RGS6: variants seen among roughly 807,000 people sequenced by gnomAD.
RGS6 encodes the protein regulator of G protein signaling 6.
In RGS6, 30 loss-of-function variants were observed where a neutral mutation model predicts 78.5. That is an observed-to-expected ratio of 0.38 (90% CI 0.29 to 0.52). The LOEUF (loss-of-function observed/expected upper bound fraction) is 0.52, where lower values mean the gene tolerates loss of function less well. Among genes scored for constraint, RGS6 ranks in the 20% least tolerant of loss-of-function variants. The probability of loss-of-function intolerance (pLI) is 0.85; values close to 1 mark genes in which losing one functional copy is unlikely to be tolerated. For missense variants in RGS6, 495 were observed against 609.7 expected, an observed-to-expected ratio of 0.81 and a Z score of 1.98; for synonymous variants, 206 against 206.0, an observed-to-expected ratio of 1.00 and a Z score of 0.00.
chr14:72,301,131 T>A (rs76090107), intron 2 of RGS6, among the ~76,000 whole-genome samples: 131 of 152,340 alleles, frequency 8.6e-4, no homozygotes, highest in Non-Finnish European at 1.6e-3. Context: ...CCATCTGATA[T>A]TCTTCTCCGA....
the RGS6 span, among the ~76,000 whole-genome samples, chr14:71,910,241 C>A: frequency 1.3e-5 from 2 of 151,958 alleles, no homozygotes; most frequent in South Asian, 4.1e-4. Context: ...AAACAGCAAG[C>A]AGAGAAGAGC....
At chr14:72,560,148 C>T (rs57160144) in intron 17 of RGS6, among the ~76,000 whole-genome samples, 3,563 of 152,006 alleles carry the variant, frequency 0.023, 144 homozygotes, top group African/African-American at 0.082. Flanking sequence ...GAGCCCCAAA[C>T]GCTGTGGATA....
At chr14:72,276,348 G>T (rs1273780381) in intron 2 of RGS6, among the ~76,000 whole-genome samples, 1 of 152,172 alleles carries the variant, frequency 6.6e-6, no homozygotes, top group East Asian at 1.9e-4. Flanking sequence ...AGCCAAAATT[G>T]GTTCTGGGTT....
intron 2 of RGS6, among the ~76,000 whole-genome samples, chr14:72,276,940 G>C (rs1423413716): frequency 1.3e-5 from 2 of 151,352 alleles, no homozygotes; most frequent in South Asian, 2.1e-4. Context: ...TTTTTTGGCT[G>C]TCCATTCCCA....
chr14:72,377,242 A>G (rs1332145437), intron 3 of RGS6, among the ~76,000 whole-genome samples: 1 of 152,254 alleles, frequency 6.6e-6, no homozygotes, highest in Non-Finnish European at 1.5e-5. Flanking sequence ...AAAAGCAAGC[A>G]GAGTAGCTGT....
chr14:71,900,859 A>C, the RGS6 span, among the ~76,000 whole-genome samples: 1 of 152,186 alleles, frequency 6.6e-6, no homozygotes, highest in Non-Finnish European at 1.5e-5. Context: ...GGAAGCTTAC[A>C]GTCATGGCAG....
chr14:71,950,254 A>G (rs2092150614), intron 1 of RGS6, among the ~76,000 whole-genome samples: 3 of 152,204 alleles, frequency 2.0e-5, no homozygotes, highest in African/African-American at 7.2e-5. Context: ...GGAACAGAAT[A>G]GAGATCTCAG....
chr14:72,178,350 G>C (rs1465494129), intron 2 of RGS6, among the ~76,000 whole-genome samples: 1 of 152,152 alleles, frequency 6.6e-6, no homozygotes, highest in Non-Finnish European at 1.5e-5. Context: ...CTGCAGGAGG[G>C]ACACCCCTTT....
At chr14:71,999,748 C>CCATGAGCTCTGGTTGTTTACAAGTGTG in intron 2 of RGS6, among the ~76,000 whole-genome samples, 1 of 152,112 alleles carries the variant, frequency 6.6e-6, no homozygotes, top group South Asian at 2.1e-4. Context: ...TGTGAATTGC[C>CCATGAGCTCTGGTTGTTTACAAGTGTG]TAGCTCCCCC....
At chr14:72,327,573 G>T (rs1310429763) in intron 2 of RGS6, among the ~76,000 whole-genome samples, 1 of 152,176 alleles carries the variant, frequency 6.6e-6, no homozygotes, top group Non-Finnish European at 1.5e-5. Context: ...TCACCAGTCA[G>T]GTGTACTTCT....
the RGS6 span, among the ~76,000 whole-genome samples, chr14:71,900,643 G>T: frequency 1.3e-5 from 2 of 152,104 alleles, no homozygotes; most frequent in Admixed American, 6.5e-5. Flanking sequence ...TATATCTTAC[G>T]AATCTTTGGT....
chr14:72,504,511 C>T (rs1239356216), intron 13 of RGS6, among the ~76,000 whole-genome samples: 1 of 152,194 alleles, frequency 6.6e-6, no homozygotes, highest in Non-Finnish European at 1.5e-5. Flanking sequence ...TCTCCAGTTT[C>T]TGGTGATATA....
chr14:72,350,605 C>G (rs2078931678), intron 2 of RGS6, among the ~76,000 whole-genome samples: 1 of 152,122 alleles, frequency 6.6e-6, no homozygotes, highest in African/African-American at 2.4e-5. Flanking sequence ...TCTCTTGTCC[C>G]CCTGGCACAT....
At chr14:71,904,791 C>A in the RGS6 span, among the ~76,000 whole-genome samples, 1 of 101,292 alleles carries the variant, frequency 9.9e-6, no homozygotes, top group Admixed American at 1.0e-4. Flanking sequence ...TCTAATAACC[C>A]GAATATTTCT....
chr14:72,128,713 G>C (rs1020093051), intron 2 of RGS6, among the ~76,000 whole-genome samples: 12 of 152,162 alleles, frequency 7.9e-5, no homozygotes, highest in Admixed American at 6.5e-4. Flanking sequence ...ATTGACGGAC[G>C]GTAGGAAATC....
At chr14:72,233,157 C>A (rs537788146) in intron 2 of RGS6, among the ~76,000 whole-genome samples, 17 of 152,268 alleles carry the variant, frequency 1.1e-4, no homozygotes, top group Middle Eastern at 3.4e-3. Context: ...TCATCCTGTC[C>A]CACTTCAGGG....
At position 72,415,316 on chromosome 14, in the gene RGS6, C is replaced by T. The variant is rs563288846; in HGVS notation, c.185-39212C>T. ...GCTGTGCTAGCAATGAGCGAAGCTC[C>T]GTGGGCATAGGACTCTCCAAGCCAG... On this transcript the variant is annotated intron_variant, in intron 3 of 17. Coordinates refer to ENST00000553525, the MANE Select transcript of RGS6 (RefSeq NM_001204424.2). 3.3e-5 allele frequency among the ~76,000 whole-genome samples: 5 copies of T among 149,296 alleles called. No individual in the cohort carries two copies. In the South Asian group the frequency reaches 6.2e-4, roughly 19 times the overall value.
In RGS6 at chr14:72,029,868, T is replaced by C. The variant is rs753806123; in HGVS notation, c.84+64993T>C. Among the ~76,000 whole-genome samples, 72 of 152,214 alleles carry C rather than the reference T, an allele frequency of 4.7e-4. 1 individual carries two copies. Among genetic ancestry groups the C allele is most frequent in the Non-Finnish European group, 2.8e-4 (19 of 68,040 alleles). ...TTGAGAACTGAAGGTGAATACTGAC[T>C]GTCATATTTAATAAGTAGTGATGGA... is the stretch of plus-strand genomic sequence containing the variant. On this transcript the variant is annotated intron_variant, in intron 2 of 17. Transcript: ENST00000553525.
intron 2 of RGS6, among the ~76,000 whole-genome samples, chr14:72,242,729 T>C (rs1180821986): frequency 6.6e-6 from 1 of 151,980 alleles, no homozygotes; most frequent in Non-Finnish European, 1.5e-5. Flanking sequence ...GAAGACAAAT[T>C]AGGCAGAAGT....
Sources: allele counts gnomAD v4.1 joint callset (sites outside exome capture counted in the v4.1 genomes callset), GRCh38; gene constraint gnomAD v4.1.1; transcripts MANE v1.5; gene names NCBI Gene and HGNC (gene_info 2026-07-23, HGNC 2026-07-21).